LYG2: variants seen among roughly 807,000 people sequenced by gnomAD.
LYG2 encodes lysozyme g-like protein 2.
LYG2 carries 25 observed loss-of-function variants against 22.4 expected under a neutral mutation model. That is an observed-to-expected ratio of 1.12 (90% CI 0.81 to 1.56). The LOEUF (loss-of-function observed/expected upper bound fraction) is 1.56. Ranked by LOEUF, LYG2 falls within the 40% of genes most tolerant of loss-of-function variation. LYG2 has a pLI of 0.00. For synonymous variants in LYG2, 88 were observed against 97.0 expected (o/e 0.91, Z 0.55); for missense variants, 266 against 269.5 (o/e 0.99, Z 0.09).
In LYG2 at chr2:99,252,092, G is replaced by A. The variant is rs367944119; in HGVS notation, c.43+2126C>T. On this transcript the variant is annotated intron_variant, in intron 3 of 6. Transcript: ENST00000333017. ...TTACAGGTGTGAGCCACCGTGCCCA[G>A]CCCAAAAATTTTTACAGGTGAAATG... Among the ~76,000 whole-genome samples the A allele has an allele frequency of 5.2e-3, 107 of 20,404 alleles. 33 individuals are homozygous for A. In the South Asian group the frequency reaches 0.15, roughly 29 times the overall value. The allele number at this position is 20,404 out of a possible 152,430, so 13.4% of individuals were successfully genotyped here. A position where few individuals can be genotyped will look rare whatever the true frequency, so the allele number is the denominator to read the frequency against.
chr2:99,248,502 A>G (rs1304629264), intron 3 of LYG2, among the ~76,000 whole-genome samples: 1 of 149,454 alleles, frequency 6.7e-6, no homozygotes, highest in Non-Finnish European at 1.5e-5. Context: ...CAAACACCAC[A>G]TGTTCTCACT....
At chr2:99,243,392 G>A in intron 6 of LYG2, 2 of 1,546,026 alleles carry the variant, frequency 1.3e-6, no homozygotes, top group Non-Finnish European at 1.7e-6. Flanking sequence ...TATAGCACCT[G>A]AAGTCCCGAA....
chr2:99,251,727 C>T (rs773482229), intron 3 of LYG2, among the ~76,000 whole-genome samples: 8 of 152,050 alleles, frequency 5.3e-5, no homozygotes, highest in African/African-American at 4.8e-5. Context: ...GTGGAACCAG[C>T]GCTCCTCAGA....
At chr2:99,252,638 A>G (rs2094028610) in intron 3 of LYG2, among the ~76,000 whole-genome samples, 1 of 152,198 alleles carries the variant, frequency 6.6e-6, no homozygotes, top group South Asian at 2.1e-4. Flanking sequence ...ATCTGGATCA[A>G]GTGTCCTTAT....
intron 6 of LYG2, 146 bp downstream of exon 6, chr2:99,243,853 A>G (rs2094010942): frequency 3.6e-6 from 3 of 835,418 alleles, no homozygotes; most frequent in Non-Finnish European, 5.7e-6. Flanking sequence ...TCAGTGGTTC[A>G]GGGAATGCAA....
upstream of LYG2, among the ~76,000 whole-genome samples, chr2:99,259,745 C>T (rs2094043809): frequency 1.3e-5 from 2 of 152,038 alleles, no homozygotes; most frequent in Non-Finnish European, 2.9e-5. Context: ...AACTTAGGTA[C>T]AGACCTTATT....
chr2:99,255,779 T>A (rs1175368622), upstream of LYG2, among the ~76,000 whole-genome samples: 1 of 152,144 alleles, frequency 6.6e-6, no homozygotes, highest in Non-Finnish European at 1.5e-5. Flanking sequence ...CTCTAGGAGA[T>A]CAATGCAAAA....
intron 3 of LYG2, among the ~76,000 whole-genome samples, chr2:99,247,999 T>C (rs2094019315): frequency 6.6e-6 from 1 of 152,216 alleles, no homozygotes; most frequent in Non-Finnish European, 1.5e-5. Context: ...CATCACTGGC[T>C]ATCAGAAAAA....
At position 99,251,087 on chromosome 2, in the gene LYG2, T is replaced by C. The variant is rs182348294; in HGVS notation, c.43+3131A>G. 5.2e-3 allele frequency among the ~76,000 whole-genome samples: 794 copies of C among 151,906 alleles called. 6 individuals carry two copies. Among genetic ancestry groups the C allele is most frequent in the African/African-American group, 0.018 (758 of 41,204 alleles). The stretch of plus-strand genomic sequence containing the variant: ...AGGATGAATGAAAAACTGATAAAAA[T>C]TGTTAGTTATGGAGAGAGTAAGAGG... On this transcript the variant is annotated intron_variant, in intron 3 of 6. Coordinates refer to ENST00000333017, the MANE Select transcript of LYG2 (RefSeq NM_175735.4).
rs1482773890 is a variant in LYG2, at chr2:99,245,373, T to C, written c.270A>G (p.Arg90=). Residue 90 remains arginine, a synonymous_variant, in exon 5 of 7, where the codon AGA becomes AGG. Coordinates refer to ENST00000333017, the MANE Select transcript of LYG2 (RefSeq NM_175735.4). ...YQTLIKEVGQ[R]HCVDPAVIAA... is the part of the protein sequence containing the mutation. ...CGATGACAGCAGGGTCCACGCAATG[T>C]CTCTGCCCGACTTCTTTGATCAGAG... 1.2e-6 allele frequency: 2 copies of C among 1,613,278 alleles called. No individual in the cohort carries two copies. The highest frequency in any genetic ancestry group is 1.7e-6 in the Non-Finnish European group (2 of 1,179,628).
intron 6 of LYG2, chr2:99,243,512 A>T: frequency 6.6e-7 from 1 of 1,508,436 alleles, no homozygotes; most frequent in Admixed American, 2.2e-5. Context: ...ATAGATAGAT[A>T]GATAGATAGA....
intron 6 of LYG2, chr2:99,243,672 A>C: frequency 2.1e-6 from 1 of 476,032 alleles, no homozygotes; most frequent in Non-Finnish European, 3.6e-6. Context: ...AGTAGCTGGG[A>C]CTGTGTGTCA....
At position 99,242,256 on chromosome 2, in the gene LYG2, TG is replaced by T; in HGVS notation, c.*107del. The T allele has an allele frequency of 7.5e-6, 4 of 536,506 alleles. No homozygotes were observed. In the East Asian group the frequency reaches 1.2e-4, roughly 16 times the overall value. The allele number at this position is 536,506 out of a possible 1,614,324, so 33.2% of individuals were successfully genotyped here. The stretch of plus-strand genomic sequence containing the variant: ...AAATTGGGAAATGAATTTTCTTTCA[TG>T]ATTTTAATCATTTCTTTGCCAGTGT... On this transcript the variant is annotated 3_prime_UTR_variant, in exon 7 of 7. Transcript: ENST00000333017.
In LYG2 at chr2:99,245,369, A is replaced by C. The variant is rs1559205078; in HGVS notation, c.274T>G (p.Cys92Gly). 3.7e-6 allele frequency: 6 copies of C among 1,613,364 alleles called. No homozygotes were observed. The highest frequency in any genetic ancestry group is 5.1e-6 in the Non-Finnish European group (6 of 1,179,650). Residue 92 changes from cysteine to glycine, a missense_variant, in exon 5 of 7, where the codon TGC becomes GGC. Coordinates refer to ENST00000333017, the MANE Select transcript of LYG2 (RefSeq NM_175735.4). Reference sequence around the variant, plus strand: ...GCTGCGATGACAGCAGGGTCCACGCAATGTCTCTGCCCGACTTCTTTGATC... The same window carrying C: ...GCTGCGATGACAGCAGGGTCCACGCCATGTCTCTGCCCGACTTCTTTGATC... ...TLIKEVGQRHCVDPAVIAAII... is the reference protein window; with the variant it reads ...TLIKEVGQRHGVDPAVIAAII...
chr2:99,253,918 GCA>G (rs1559207970), intron 3 of LYG2, among the ~76,000 whole-genome samples: 1 of 151,956 alleles, frequency 6.6e-6, no homozygotes, highest in Non-Finnish European at 1.5e-5. Flanking sequence ...TGCTTCCAAG[GCA>G]CTGTTCCATA....
intron 2 of LYG2, among the ~76,000 whole-genome samples, chr2:99,254,601 A>T (rs2094032765): frequency 6.7e-6 from 1 of 150,344 alleles, no homozygotes; most frequent in African/African-American, 2.4e-5. Flanking sequence ...TTTCTTTTTA[A>T]AAAAAAAAAT....
chr2:99,254,357 T>C, intron 2 of LYG2, 72 bp from the exon 3 acceptor site: 1 of 1,253,446 alleles, frequency 8.0e-7, no homozygotes, highest in Admixed American at 2.0e-5. Flanking sequence ...TTTGCTTTGA[T>C]ATTTTAAAAA....
intron 4 of LYG2, among the ~76,000 whole-genome samples, chr2:99,246,192 C>T (rs113336131): frequency 3.9e-5 from 6 of 152,306 alleles, no homozygotes; most frequent in Admixed American, 6.5e-5. Flanking sequence ...AGCCTGGCTC[C>T]GCCACTAGTT....
chr2:99,256,472 C>T (rs1298662863), upstream of LYG2, among the ~76,000 whole-genome samples: 3 of 152,172 alleles, frequency 2.0e-5, no homozygotes, highest in African/African-American at 7.2e-5. Flanking sequence ...TAGTCTATGA[C>T]CCAGCGACAT....
Sources: gnomAD v4.1 joint callset for allele counts (sites outside exome capture counted in the v4.1 genomes callset) on GRCh38, gnomAD v4.1.1 for gene constraint, MANE v1.5 for transcripts, NCBI Gene and HGNC (gene_info 2026-07-23, HGNC 2026-07-21) for gene names.